PAX5: variants seen among roughly 807,000 people sequenced by gnomAD.
PAX5 encodes paired box protein Pax-5.
In PAX5, 9 loss-of-function variants were observed where a neutral mutation model predicts 43.7. The observed-to-expected ratio is 0.21, with a 90% CI of 0.12 to 0.36. The LOEUF (loss-of-function observed/expected upper bound fraction) is 0.36, where lower values mean the gene tolerates loss of function less well. Ranked by LOEUF, PAX5 falls within the 10% of genes least tolerant of loss-of-function variation. The pLI, the probability that PAX5 is intolerant of heterozygous loss-of-function variation, is 1.00. For missense variants in PAX5, 383 were observed against 532.7 expected, an observed-to-expected ratio of 0.72 and a Z score of 2.77; for synonymous variants, 228 against 214.3, an observed-to-expected ratio of 1.06 and a Z score of -0.56.
chr9:36,901,087 G>T (rs1387881297), intron 7 of PAX5, among the ~76,000 whole-genome samples: 1 of 152,068 alleles, frequency 6.6e-6, no homozygotes, highest in Non-Finnish European at 1.5e-5. Flanking sequence ...GTCAGGTCAG[G>T]TCTTCCTGCG....
intron 5 of PAX5, among the ~76,000 whole-genome samples, chr9:36,982,861 A>C (rs1485251338): frequency 1.3e-5 from 2 of 152,126 alleles, no homozygotes; most frequent in Non-Finnish European, 2.9e-5. Flanking sequence ...AACTTCCCAA[A>C]AGAAAGATAC....
At chr9:36,940,794 T>C (rs1831986740) in intron 6 of PAX5, among the ~76,000 whole-genome samples, 2 of 152,114 alleles carry the variant, frequency 1.3e-5, no homozygotes, top group African/African-American at 4.8e-5. Flanking sequence ...AGGGCAGTGA[T>C]TTTCATCTGC....
intron 8 of PAX5, among the ~76,000 whole-genome samples, chr9:36,849,085 G>A (rs937707574): frequency 2.6e-5 from 4 of 152,210 alleles, no homozygotes; most frequent in African/African-American, 4.8e-5. Context: ...TGGTTCTGCA[G>A]CACTGGCTTT....
intron 1 of PAX5, among the ~76,000 whole-genome samples, chr9:37,024,605 T>C (rs1840138906): frequency 6.6e-6 from 1 of 152,136 alleles, no homozygotes; most frequent in South Asian, 2.1e-4. Flanking sequence ...AGCCAAGGTC[T>C]TGCACCTGCT....
At position 36,840,487 on chromosome 9, in the gene PAX5, T is replaced by G; in HGVS notation, c.*73A>C. Reference sequence around the variant, plus strand: ...GACGGTCTCATGGGCTCTCTGGCTATCTTCAGGAGGGCTGGGTGGCTGTCA... The same window carrying G: ...GACGGTCTCATGGGCTCTCTGGCTAGCTTCAGGAGGGCTGGGTGGCTGTCA... On this transcript the variant is annotated 3_prime_UTR_variant, in exon 10 of 10. Transcript: ENST00000358127. 7.0e-7 allele frequency: 1 copy of G among 1,435,080 alleles called. No homozygotes were observed. The highest frequency in any genetic ancestry group is 1.2e-5 in the South Asian group (1 of 81,966). 88.9% of individuals were successfully genotyped at this position (1,435,080 alleles called of 1,614,324 possible).
At chr9:37,027,386 C>T (rs1840502623) in intron 1 of PAX5, among the ~76,000 whole-genome samples, 1 of 152,246 alleles carries the variant, frequency 6.6e-6, no homozygotes, top group African/African-American at 2.4e-5. Flanking sequence ...CTCTTCCTCG[C>T]CGGGGTGTCT....
chr9:36,937,517 G>C (rs1451466051), intron 6 of PAX5, among the ~76,000 whole-genome samples: 1 of 152,162 alleles, frequency 6.6e-6, no homozygotes, highest in Non-Finnish European at 1.5e-5. Flanking sequence ...TACTCTGATT[G>C]TAAACTGCTC....
chr9:36,892,862 T>A (rs1827521544), intron 7 of PAX5, among the ~76,000 whole-genome samples: 1 of 152,222 alleles, frequency 6.6e-6, no homozygotes, highest in African/African-American at 2.4e-5. Context: ...AACAGGCAAG[T>A]GTGGAAGAAC....
At chr9:37,019,213 T>C (rs1219204661) in intron 2 of PAX5, among the ~76,000 whole-genome samples, 1 of 152,198 alleles carries the variant, frequency 6.6e-6, no homozygotes, top group Non-Finnish European at 1.5e-5. Context: ...CTCTTTGTCT[T>C]CTTTTTCTCT....
At chr9:36,941,464 T>C (rs187174953) in intron 6 of PAX5, among the ~76,000 whole-genome samples, 9 of 152,314 alleles carry the variant, frequency 5.9e-5, no homozygotes, top group Admixed American at 4.6e-4. Context: ...CACCCATGCA[T>C]CACCCAGTAT....
At chr9:37,019,134 C>G (rs371940812) in intron 2 of PAX5, among the ~76,000 whole-genome samples, 1 of 152,164 alleles carries the variant, frequency 6.6e-6, no homozygotes, top group Admixed American at 6.5e-5. Context: ...TGCTCTCTCT[C>G]TCTTTCTCCT....
At chr9:36,988,089 G>T (rs1254514419) in intron 5 of PAX5, among the ~76,000 whole-genome samples, 3 of 152,132 alleles carry the variant, frequency 2.0e-5, no homozygotes, top group Admixed American at 6.5e-5. Context: ...AGCTGGAAGG[G>T]TTGTCCAGAC....
rs192103777 is a variant in PAX5 at position 36,927,126 on chromosome 9, T to C, written c.781-3642A>G. Among the ~76,000 whole-genome samples the C allele has an allele frequency of 1.1e-4, 16 of 152,170 alleles. 2 individuals carry two copies. The South Asian group carries it at 1.7e-3, about 16-fold the overall frequency. ...GAATGGTAGACTAGCTGGAACTCGA[T>C]TGTGAAGGGCTTGCACAATGAACAC... On this transcript the variant is annotated intron_variant, in intron 6 of 9. Coordinates refer to ENST00000358127, the MANE Select transcript of PAX5 (RefSeq NM_016734.3).
At chr9:36,937,857 T>G (rs1391967725) in intron 6 of PAX5, among the ~76,000 whole-genome samples, 1 of 152,224 alleles carries the variant, frequency 6.6e-6, no homozygotes, top group Non-Finnish European at 1.5e-5. Flanking sequence ...ATGCCAACAT[T>G]AGCAATTCAT....
chr9:36,860,968 T>A (rs1202509634), intron 8 of PAX5: 1 of 151,922 alleles, frequency 6.6e-6, no homozygotes, highest in South Asian at 2.1e-4. Flanking sequence ...TTCATATGTA[T>A]CCCCTGTGAC....
chr9:36,994,658 T>C (rs1464306410), intron 5 of PAX5, among the ~76,000 whole-genome samples: 1 of 152,162 alleles, frequency 6.6e-6, no homozygotes. Flanking sequence ...AGAGCACAAG[T>C]GCCGAGAGCA....
intron 6 of PAX5, among the ~76,000 whole-genome samples, chr9:36,955,984 G>A (rs909967849): frequency 6.6e-6 from 1 of 151,960 alleles, no homozygotes; most frequent in Non-Finnish European, 1.5e-5. Flanking sequence ...TTTGTAAATA[G>A]CCGACTTCCT....
At chr9:37,009,274 AC>A (rs1838735041) in intron 3 of PAX5, among the ~76,000 whole-genome samples, 1 of 152,210 alleles carries the variant, frequency 6.6e-6, no homozygotes, top group African/African-American at 2.4e-5. Flanking sequence ...CATCCCTCTT[AC>A]AATTTACCAG....
At chr9:36,842,057 T>C (rs1017392193) in intron 9 of PAX5, among the ~76,000 whole-genome samples, 1 of 152,168 alleles carries the variant, frequency 6.6e-6, no homozygotes, top group African/African-American at 2.4e-5. Flanking sequence ...AAGGAGGCAG[T>C]ATGGCAGTGG....
Sources: allele counts gnomAD v4.1 joint callset (sites outside exome capture counted in the v4.1 genomes callset), GRCh38; gene constraint gnomAD v4.1.1; transcripts MANE v1.5; gene names NCBI Gene and HGNC (gene_info 2026-07-23, HGNC 2026-07-21).